Variants in MICU2 observed in about 807,000 individuals in gnomAD.
MICU2 encodes mitochondrial calcium uptake 2.
Under a neutral mutation model 60.4 loss-of-function variants are expected in MICU2, and 64 were observed. The ratio of observed to expected loss-of-function variants is 1.06; its 90% CI spans 0.87 to 1.31. The LOEUF is 1.31. Among genes scored for constraint, MICU2 ranks in the 50% most tolerant of loss-of-function variants. The pLI is 0.00. For missense variants in MICU2, 569 were observed against 531.0 expected, an observed-to-expected ratio of 1.07 and a Z score of -0.70; for synonymous variants, 201 against 175.0, an observed-to-expected ratio of 1.15 and a Z score of -1.17.
intron 4 of MICU2, 70 bp downstream of exon 4, chr13:21,539,232 C>T: frequency 2.2e-6 from 3 of 1,345,130 alleles, no homozygotes; most frequent in Middle Eastern, 1.9e-4. Context: ...AATCTCATAC[C>T]TTAATTCCTT....
At chr13:21,544,501 G>A in intron 2 of MICU2, among the ~76,000 whole-genome samples, 1 of 46,756 alleles carries the variant, frequency 2.1e-5, no homozygotes, top group Non-Finnish European at 4.2e-5. Context: ...CATACAAAAT[G>A]ACCAATAAAC....
intron 1 of MICU2, among the ~76,000 whole-genome samples, chr13:21,589,370 G>A (rs758412010): frequency 1.3e-5 from 2 of 152,056 alleles, no homozygotes; most frequent in Non-Finnish European, 2.9e-5. Context: ...TCATAAAAAC[G>A]GCACTTACTA....
At chr13:21,535,687 T>C (rs1441533536) in intron 4 of MICU2, among the ~76,000 whole-genome samples, 1 of 152,168 alleles carries the variant, frequency 6.6e-6, no homozygotes, top group Middle Eastern at 3.2e-3. Flanking sequence ...AAACTTAAAA[T>C]GTACCAGACA....
intron 1 of MICU2, among the ~76,000 whole-genome samples, chr13:21,583,993 A>T (rs1361547086): frequency 6.6e-6 from 1 of 152,242 alleles, no homozygotes; most frequent in Non-Finnish European, 1.5e-5. Flanking sequence ...TTCAAACAGT[A>T]GATGTGCTGC....
intron 1 of MICU2, among the ~76,000 whole-genome samples, chr13:21,586,793 A>G (rs899059008): frequency 1.3e-5 from 2 of 152,196 alleles, no homozygotes; most frequent in Non-Finnish European, 2.9e-5. Flanking sequence ...AAAAATTCTA[A>G]CTTGCGCAGC....
rs555219550 is a variant in MICU2, at chr13:21,527,291, G to A, written c.467-4641C>T. Among the ~76,000 whole-genome samples, 22 of 152,238 alleles carry A rather than the reference G, an allele frequency of 1.4e-4. No individual in the cohort carries two copies. The South Asian group carries it at 4.6e-3, about 32-fold the overall frequency. ...CTTAAGAATTTTTCTCATTTTCAAA[G>A]GAATACGGCAATGTGAAAAAAATGG... On this transcript the variant is annotated intron_variant, in intron 4 of 11. Coordinates refer to ENST00000382374, the MANE Select transcript of MICU2 (RefSeq NM_152726.3).
chr13:21,577,638 T>A (rs992981085), intron 1 of MICU2, among the ~76,000 whole-genome samples: 1 of 151,836 alleles, frequency 6.6e-6, no homozygotes, highest in South Asian at 2.1e-4. Flanking sequence ...ACCCTGTCTC[T>A]ACAAAAATAC....
chr13:21,564,977 G>A (rs1431757916), intron 2 of MICU2, among the ~76,000 whole-genome samples: 1 of 152,130 alleles, frequency 6.6e-6, no homozygotes, highest in Non-Finnish European at 1.5e-5. Flanking sequence ...GGTTCTTAGA[G>A]GTTTCTGTTG....
intron 8 of MICU2, 83 bp from the exon 9 acceptor site, chr13:21,503,180 A>G: frequency 8.5e-6 from 8 of 936,198 alleles, no homozygotes; most frequent in Non-Finnish European, 1.1e-5. Context: ...AAGTACCTTC[A>G]CTATTACCTA....
At position 21,604,169 on chromosome 13, in the gene MICU2, G is replaced by C. The variant is rs2761924; in HGVS notation, c.-21C>G. On this transcript the variant is annotated 5_prime_UTR_variant, in exon 1 of 12. Coordinates refer to ENST00000382374, the MANE Select transcript of MICU2 (RefSeq NM_152726.3). ...GCCATCTTTGCGGAAGCGCAGCTAG[G>C]CGGCGCTTCTCTCCCGGCGCCGCCG... 1 of 1,535,236 alleles carries C rather than the reference G, an allele frequency of 6.5e-7. No individual in the cohort carries two copies. Among genetic ancestry groups the C allele is most frequent in the South Asian group, 1.2e-5 (1 of 83,600 alleles).
chr13:21,582,838 A>G (rs544295185), intron 1 of MICU2: 1 of 156,200 alleles, frequency 6.4e-6, no homozygotes, highest in South Asian at 2.0e-4. Context: ...CAGGGGTAAG[A>G]ACCCCTTCCC....
intron 1 of MICU2, among the ~76,000 whole-genome samples, chr13:21,600,701 A>C (rs747200690): frequency 1.3e-5 from 2 of 152,214 alleles, no homozygotes; most frequent in Non-Finnish European, 2.9e-5. Flanking sequence ...CACAATGGGA[A>C]CTAGAAAAGT....
chr13:21,534,449 C>T (rs755927757), intron 4 of MICU2, among the ~76,000 whole-genome samples: 2 of 152,126 alleles, frequency 1.3e-5, no homozygotes, highest in Non-Finnish European at 2.9e-5. Flanking sequence ...TCAAGTGATC[C>T]TTCTGCCTTG....
At chr13:21,556,297 C>T (rs1182489474) in intron 2 of MICU2, among the ~76,000 whole-genome samples, 6 of 152,220 alleles carry the variant, frequency 3.9e-5, no homozygotes, top group Middle Eastern at 3.4e-3. Context: ...CCTTGAAATG[C>T]TTTCTTTACT....
At position 21,531,271 on chromosome 13, in the gene MICU2, C is replaced by G. The variant is rs1423903386; in HGVS notation, c.466+8031G>C. The stretch of plus-strand genomic sequence containing the variant: ...GAATATTGGAGATAGATTGGAAGAT[C>G]CCTTCAAAGCAAACACAGCACAGAA... On this transcript the variant is annotated intron_variant, in intron 4 of 11. Transcript: ENST00000382374. 17 of 1,523,432 alleles carry G rather than the reference C, an allele frequency of 1.1e-5. No individual in the cohort carries two copies. The South Asian group carries it at 1.9e-4, about 17-fold the overall frequency. 94.4% of individuals were successfully genotyped at this position (1,523,432 alleles called of 1,614,324 possible). A position where few individuals can be genotyped will look rare whatever the true frequency, so the allele number is the denominator to read the frequency against.
At chr13:21,521,437 G>T in intron 5 of MICU2, 110 bp from the exon 6 acceptor site, 1 of 711,074 alleles carries the variant, frequency 1.4e-6, no homozygotes, top group Non-Finnish European at 2.3e-6. Flanking sequence ...ATGAGTAAGT[G>T]CCTACACAGA....
At chr13:21,537,837 T>C (rs1179405216) in intron 4 of MICU2, among the ~76,000 whole-genome samples, 1 of 152,140 alleles carries the variant, frequency 6.6e-6, no homozygotes, top group African/African-American at 2.4e-5. Flanking sequence ...CCTCATTTGC[T>C]TGCCAGTAAT....
Position 21,530,909 on chromosome 13 carries a change from A to T in MICU2, c.467-8259T>A, listed in dbSNP as rs1392373212. ...GACAGAGCAGAATGGGCTGATATAG[A>T]TCTAGTGCTGCAGAATGTTGGCCCC... is the stretch of plus-strand genomic sequence containing the variant. On this transcript the variant is annotated intron_variant, in intron 4 of 11. Coordinates refer to ENST00000382374, the MANE Select transcript of MICU2 (RefSeq NM_152726.3). 4.0e-6 allele frequency: 3 copies of T among 759,338 alleles called. No homozygotes were observed. The African/African-American group carries it at 5.1e-5, about 13-fold the overall frequency. 47.0% of individuals were successfully genotyped at this position (759,338 alleles called of 1,614,324 possible).
intron 9 of MICU2, among the ~76,000 whole-genome samples, chr13:21,500,510 G>T (rs1326691798): frequency 6.8e-6 from 1 of 146,200 alleles, no homozygotes; most frequent in African/African-American, 2.6e-5. Context: ...TGTCTCCCAG[G>T]TTCATCCAAT....
Sources: allele counts gnomAD v4.1 joint callset (sites outside exome capture counted in the v4.1 genomes callset), GRCh38; gene constraint gnomAD v4.1.1; transcripts MANE v1.5; gene names NCBI Gene and HGNC (gene_info 2026-07-23, HGNC 2026-07-21).